Variants in PARG observed in about 807,000 individuals in gnomAD.
PARG encodes the protein mitochondrial poly(ADP-ribose) glycohydrolase.
In PARG, 35 loss-of-function variants were observed where a neutral mutation model predicts 113.0. The ratio of observed to expected loss-of-function variants is 0.31; its 90% CI spans 0.24 to 0.41. The LOEUF (loss-of-function observed/expected upper bound fraction) is 0.41, where lower values mean the gene tolerates loss of function less well. PARG is among the 10% of genes least tolerant of loss of function. The pLI is 1.00. For missense variants in PARG, 797 were observed against 1,169.4 expected (o/e 0.68, Z 4.64); for synonymous variants, 330 against 409.9 (o/e 0.81, Z 2.36).
intron 7 of PARG, among the ~76,000 whole-genome samples, chr10:49,912,600 T>C (rs1554846619): frequency 6.6e-6 from 1 of 151,580 alleles, no homozygotes. Context: ...GAGGTGGAGG[T>C]TGCAGTGAGC....
intron 15 of PARG, among the ~76,000 whole-genome samples, chr10:49,833,992 C>T (rs999183122): frequency 6.6e-5 from 10 of 152,078 alleles, no homozygotes; most frequent in African/African-American, 1.4e-4. Flanking sequence ...CAGACTGTCT[C>T]GATGGATTAA....
At position 49,845,808 on chromosome 10, in the gene PARG, C is replaced by G. The variant is rs182811007; in HGVS notation, c.2354-2176G>C. 4.1e-3 allele frequency among the ~76,000 whole-genome samples: 616 copies of G among 150,840 alleles called. 8 individuals carry two copies. The highest frequency in any genetic ancestry group is 0.014 in the African/African-American group (591 of 41,312). On this transcript the variant is annotated intron_variant, in intron 13 of 17. Coordinates refer to ENST00000616448, the MANE Select transcript of PARG (RefSeq NM_003631.5). ...GCTACCTGGGAGGCAGAGGCAGGGG[C>G]ATCACTTGAACCCAGGAGGCAGAGG...
intron 7 of PARG, among the ~76,000 whole-genome samples, chr10:49,903,356 T>C (rs1290757271): frequency 2.0e-5 from 3 of 152,152 alleles, no homozygotes; most frequent in African/African-American, 4.8e-5. Context: ...CAATCACCAG[T>C]TGCAAATGAT....
chr10:49,861,497 C>T, intron 12 of PARG, 91 bp downstream of exon 12: 1 of 683,766 alleles, frequency 1.5e-6, no homozygotes, highest in East Asian at 2.8e-5. Context: ...GTTTAGGAGA[C>T]AAATAAACAG....
At chr10:49,846,660 C>T (rs1845524643) in intron 13 of PARG, among the ~76,000 whole-genome samples, 1 of 151,650 alleles carries the variant, frequency 6.6e-6, no homozygotes, top group Non-Finnish European at 1.5e-5. Context: ...GAAGAGAGTT[C>T]CAATTATGGA....
At chr10:49,838,226 T>C (rs1845040973) in intron 15 of PARG, among the ~76,000 whole-genome samples, 1 of 151,040 alleles carries the variant, frequency 6.6e-6, no homozygotes, top group African/African-American at 2.4e-5. Context: ...AGGTTGGGAG[T>C]TCAAGATGAG....
intron 9 of PARG, among the ~76,000 whole-genome samples, chr10:49,870,334 A>G (rs1157317642): frequency 6.6e-6 from 1 of 151,736 alleles, no homozygotes; most frequent in Non-Finnish European, 1.5e-5. Flanking sequence ...GAACCAAAGC[A>G]GCAGCACCCT....
At chr10:49,844,467 A>G (rs1845403747) in intron 13 of PARG, among the ~76,000 whole-genome samples, 1 of 151,786 alleles carries the variant, frequency 6.6e-6, no homozygotes, top group African/African-American at 2.4e-5. Context: ...TAATAAAAAT[A>G]CAAAAATTAG....
At chr10:49,889,707 G>A (rs1414368786) in intron 7 of PARG, among the ~76,000 whole-genome samples, 9 of 152,174 alleles carry the variant, frequency 5.9e-5, no homozygotes, top group Admixed American at 2.0e-4. Flanking sequence ...AGGCTGACAC[G>A]TCTCCTTTGG....
chr10:49,899,332 CTGGAGA>C (rs1848246032), intron 7 of PARG, among the ~76,000 whole-genome samples: 1 of 152,154 alleles, frequency 6.6e-6, no homozygotes, highest in Non-Finnish European at 1.5e-5. Flanking sequence ...AAAAAATCAA[CTGGAGA>C]AGGTGAAAAT....
intron 7 of PARG, among the ~76,000 whole-genome samples, chr10:49,902,072 T>G (rs559317821): frequency 6.6e-6 from 1 of 152,184 alleles, no homozygotes; most frequent in Non-Finnish European, 1.5e-5. Context: ...TAGTAGCCAG[T>G]GTTTGGACTC....
chr10:49,886,790 A>G lies in PARG; in HGVS notation c.1738-1495T>C, dbSNP rs188674585. ...AAAGTGAGAATAAGAGCTAAATCCTAATCTTCTAAAGTGGGACTTGTTTTA... is the reference window on the plus strand; with the variant it reads ...AAAGTGAGAATAAGAGCTAAATCCTGATCTTCTAAAGTGGGACTTGTTTTA... On this transcript the variant is annotated intron_variant, in intron 7 of 17. Coordinates refer to ENST00000616448, the MANE Select transcript of PARG (RefSeq NM_003631.5). Among the ~76,000 whole-genome samples, 285 of 152,334 alleles carry G rather than the reference A, an allele frequency of 1.9e-3. 1 individual carries two copies. The highest frequency in any genetic ancestry group is 6.5e-3 in the African/African-American group (271 of 41,574).
intron 7 of PARG, among the ~76,000 whole-genome samples, chr10:49,891,962 T>C (rs1414541675): frequency 6.6e-6 from 1 of 151,694 alleles, no homozygotes; most frequent in Non-Finnish European, 1.5e-5. Context: ...ATTACCCCAT[T>C]TTATTTTTGT....
chr10:49,818,612 C>T lies in PARG; in HGVS notation c.*728G>A, dbSNP rs996324561. The stretch of plus-strand genomic sequence containing the variant: ...TTCTCTTGAATCTGTTTTCTTTACA[C>T]CACATCAGGAAAACCTCCTTTTATT... On this transcript the variant is annotated 3_prime_UTR_variant, in exon 18 of 18. Transcript: ENST00000616448. 1.3e-5 allele frequency: 2 copies of T among 152,492 alleles called. No homozygotes were observed. Among genetic ancestry groups the T allele is most frequent in the African/African-American group, 4.8e-5 (2 of 41,414 alleles). 9.4% of individuals were successfully genotyped at this position (152,492 alleles called of 1,614,324 possible).
intron 15 of PARG, among the ~76,000 whole-genome samples, chr10:49,836,446 C>A (rs1349196831): frequency 6.7e-6 from 1 of 149,470 alleles, no homozygotes; most frequent in Non-Finnish European, 1.5e-5. Flanking sequence ...TAGACTTCAT[C>A]CCTAAAATAA....
At chr10:49,868,429 T>A (rs548771788) in intron 10 of PARG, among the ~76,000 whole-genome samples, 1 of 152,338 alleles carries the variant, frequency 6.6e-6, no homozygotes, top group Non-Finnish European at 1.5e-5. Context: ...TAATTCCATA[T>A]CAGAGAAGCA....
chr10:49,922,278 T>G, intron 6 of PARG, 58 bp downstream of exon 6: 1 of 1,541,036 alleles, frequency 6.5e-7, no homozygotes. Context: ...GACCAAAAAG[T>G]CTTTGAAAGA....
intron 2 of PARG, 148 bp downstream of exon 2, chr10:49,934,928 T>C: frequency 1.6e-6 from 1 of 610,760 alleles, no homozygotes; most frequent in Non-Finnish European, 3.0e-6. Flanking sequence ...CATACAGGAC[T>C]CTCTAAAAAA....
chr10:49,837,558 C>T (rs781961590), intron 15 of PARG, among the ~76,000 whole-genome samples: 3 of 151,936 alleles, frequency 2.0e-5, no homozygotes, highest in Admixed American at 1.3e-4. Flanking sequence ...CTGCTCATAA[C>T]CAAAATTCTT....
Sources: gnomAD v4.1 joint callset for allele counts (sites outside exome capture counted in the v4.1 genomes callset) on GRCh38, gnomAD v4.1.1 for gene constraint, MANE v1.5 for transcripts, NCBI Gene and HGNC (gene_info 2026-07-23, HGNC 2026-07-21) for gene names.